Variants in PUDP observed in about 807,000 individuals in gnomAD.
PUDP encodes the protein pseudouridine 5'-phosphatase, also known as pseudouridine-5'-phosphatase.
PUDP carries 8 observed loss-of-function variants against 9.4 expected under a neutral mutation model. That is an observed-to-expected ratio of 0.85 (90% CI 0.50 to 1.53). The LOEUF (loss-of-function observed/expected upper bound fraction) is 1.53, where lower values mean the gene tolerates loss of function less well. PUDP is among the 40% of genes most tolerant of loss of function. PUDP has a pLI of 0.00. For missense variants in PUDP, 188 were observed against 189.7 expected (o/e 0.99, Z 0.05); for synonymous variants, 99 against 80.7 (o/e 1.23, Z -1.22).
chrX:6,755,537 T>C (rs1422616483), intron 3 of PUDP, among the ~76,000 whole-genome samples: 1 of 111,967 alleles, frequency 8.9e-6, no homozygotes, highest in Non-Finnish European at 1.9e-5. Context: ...CTCCATACCT[T>C]GTATTTACAA....
intron 1 of PUDP, among the ~76,000 whole-genome samples, chrX:7,021,426 A>T (rs180858613): frequency 9.0e-6 from 1 of 110,553 alleles, no homozygotes; most frequent in Admixed American, 9.7e-5. Flanking sequence ...CCTTTAATGC[A>T]CCCCCCCTTA....
intron 3 of PUDP, among the ~76,000 whole-genome samples, chrX:6,765,464 G>A (rs1020783262): frequency 8.9e-6 from 1 of 111,912 alleles, no homozygotes; most frequent in Non-Finnish European, 1.9e-5. Context: ...AACAAATCAC[G>A]TCACAGGATT....
chrX:7,033,847 T>C (rs1247125747), intron 1 of PUDP, among the ~76,000 whole-genome samples: 1 of 111,874 alleles, frequency 8.9e-6, no homozygotes, highest in African/African-American at 3.3e-5. Context: ...TCAATACATA[T>C]TGGGGTGTGA....
chrX:7,142,641 A>ATTTT lies in PUDP; in HGVS notation c.61+5408_61+5411dup, dbSNP rs57612819. Among the ~76,000 whole-genome samples the ATTTT allele has an allele frequency of 8.6e-5, 7 of 80,950 alleles. 1 individual carries two copies. Among genetic ancestry groups the ATTTT allele is most frequent in the Non-Finnish European group, 1.6e-4 (7 of 43,550 alleles). 70.3% of individuals were successfully genotyped at this position (80,950 alleles called of 115,157 possible). A position where few individuals can be genotyped will look rare whatever the true frequency, so the allele number is the denominator to read the frequency against. Reference sequence around the variant, plus strand: ...AGCAGCAGAGTTTGAGAGGACTCCAATTTTTTTTTTTTTTTTTTTTTGAGA... The same window carrying ATTTT: ...AGCAGCAGAGTTTGAGAGGACTCCAATTTTTTTTTTTTTTTTTTTTTTTTTGAGA... On this transcript the variant is annotated intron_variant, in intron 1 of 3. Transcript: ENST00000381077.
intron 1 of PUDP, among the ~76,000 whole-genome samples, chrX:7,128,123 C>T (rs1025974862): frequency 1.8e-5 from 2 of 111,218 alleles, no homozygotes; most frequent in Non-Finnish European, 3.8e-5. Flanking sequence ...CTCACTGCAA[C>T]CTCTGCCTTC....
At chrX:6,859,693 C>CTCA (rs1191196958) in intron 3 of PUDP, among the ~76,000 whole-genome samples, 1 of 111,182 alleles carries the variant, frequency 9.0e-6, no homozygotes, top group Non-Finnish European at 1.9e-5. Flanking sequence ...CACAGCAGGA[C>CTCA]TCATGACTCA....
At chrX:6,830,483 T>C (rs906532402) in intron 3 of PUDP, among the ~76,000 whole-genome samples, 1 of 112,247 alleles carries the variant, frequency 8.9e-6, no homozygotes, top group African/African-American at 3.2e-5. Flanking sequence ...GTAGAAAAGT[T>C]AGTGACAAAA....
intron 1 of PUDP, among the ~76,000 whole-genome samples, chrX:6,716,596 T>C (rs1924602853): frequency 9.0e-6 from 1 of 111,141 alleles, no homozygotes; most frequent in Admixed American, 9.7e-5. Context: ...TCTGAATTTC[T>C]GAAATTTGCT....
intron 1 of PUDP, among the ~76,000 whole-genome samples, chrX:7,135,012 GTAACC>G (rs1429395795): frequency 4.5e-5 from 5 of 111,998 alleles, no homozygotes; most frequent in African/African-American, 1.6e-4. Context: ...GTATGAACAG[GTAACC>G]TCCAGGGAAT....
Position 6,802,615 on chromosome X carries a change from G to A in PUDP, c.*248-96149C>T, listed in dbSNP as rs919660813. Among the ~76,000 whole-genome samples, 7 of 110,482 alleles carry A rather than the reference G, an allele frequency of 6.3e-5. No individual in the cohort carries two copies. In the South Asian group the frequency reaches 2.3e-3, roughly 36 times the overall value. On this transcript the variant is annotated intron_variant and NMD_transcript_variant, in intron 3 of 3. Transcript: ENST00000655425. ...CTAGAGCTGGAGGGCTGGGTGCGGT[G>A]GCTCACATCTGTAAACCCAGCACTC...
chrX:6,726,940 G>T (rs1924745795), intron 3 of PUDP, among the ~76,000 whole-genome samples: 2 of 111,613 alleles, frequency 1.8e-5, no homozygotes. Flanking sequence ...CTAAATAAAG[G>T]GTCTCTTTAA....
intron 3 of PUDP, among the ~76,000 whole-genome samples, chrX:6,792,287 A>G (rs1158774693): frequency 1.8e-5 from 2 of 109,651 alleles, no homozygotes; most frequent in Non-Finnish European, 3.8e-5. Context: ...TGTACCCCCT[A>G]CCCAAGTTCC....
intron 3 of PUDP, among the ~76,000 whole-genome samples, chrX:6,821,149 G>A (rs1276996906): frequency 9.0e-6 from 1 of 111,114 alleles, no homozygotes; most frequent in African/African-American, 3.3e-5. Context: ...GAGACTGGGC[G>A]GCCATGGGAG....
intron 3 of PUDP, among the ~76,000 whole-genome samples, chrX:6,819,166 G>A (rs1480421802): frequency 9.0e-6 from 1 of 111,645 alleles, no homozygotes; most frequent in East Asian, 2.8e-4. Context: ...GACTGGGGTG[G>A]GATTTGGGCA....
intron 3 of PUDP, among the ~76,000 whole-genome samples, chrX:6,729,753 G>T (rs148459672): frequency 0.14 from 15,649 of 110,878 alleles, 1,033 homozygotes; most frequent in Non-Finnish European, 0.2. Flanking sequence ...ATCAGTACCA[G>T]CTCACATTCC....
At chrX:6,925,763 G>C (rs1159713640) in intron 3 of PUDP, among the ~76,000 whole-genome samples, 1 of 112,099 alleles carries the variant, frequency 8.9e-6, no homozygotes, top group African/African-American at 3.2e-5. Context: ...TAGGTTTATA[G>C]GTGAATTCAG....
intron 3 of PUDP, among the ~76,000 whole-genome samples, chrX:6,919,858 C>CAAAAAAAAAAAAAAAA (rs58441346): frequency 3.8e-4 from 10 of 26,490 alleles, no homozygotes; most frequent in East Asian, 1.1e-3. Context: ...GACTCCATCT[C>CAAAAAAAAAAAAAAAA]AAAAAAAAAA....
chrX:7,059,484 C>A (rs1930339215), intron 3 of PUDP, among the ~76,000 whole-genome samples: 1 of 111,704 alleles, frequency 9.0e-6, no homozygotes. Flanking sequence ...GAAATCAATT[C>A]ATCTTACGTA....
intron 3 of PUDP, among the ~76,000 whole-genome samples, chrX:6,846,371 C>T (rs1038915228): frequency 4.8e-4 from 48 of 100,367 alleles, no homozygotes; most frequent in Non-Finnish European, 7.7e-4. Context: ...GATCGTGCCA[C>T]GGCACTCCAG....
Sources: allele counts gnomAD v4.1 joint callset (sites outside exome capture counted in the v4.1 genomes callset), GRCh38; gene constraint gnomAD v4.1.1; transcripts MANE v1.5; gene names NCBI Gene and HGNC (gene_info 2026-07-23, HGNC 2026-07-21).